ITGAM: variants seen among roughly 807,000 people sequenced by gnomAD.
ITGAM encodes integrin alpha-M.
ITGAM carries 79 observed loss-of-function variants against 137.5 expected under a neutral mutation model. The observed-to-expected ratio is 0.57, with a 90% confidence interval of 0.48 to 0.69. The LOEUF (loss-of-function observed/expected upper bound fraction) is 0.69. Ranked by LOEUF, ITGAM falls within the 30% of genes least tolerant of loss-of-function variation. ITGAM has a pLI of 0.00. For missense variants in ITGAM, 1,343 were observed against 1,483.5 expected, an observed-to-expected ratio of 0.91 and a Z score of 1.56; for synonymous variants, 583 against 592.3, an observed-to-expected ratio of 0.98 and a Z score of 0.23.
rs61202942 is a variant in ITGAM at position 31,298,204 on chromosome 16, C to CAAAAA, written c.1707+270_1707+274dup. On this transcript the variant is annotated intron_variant, in intron 14 of 29. Coordinates refer to ENST00000544665, the MANE Select transcript of ITGAM (RefSeq NM_000632.4). ...GCAACATGGTGAGAACCCATCTCTC[C>CAAAAA]AAAAAAAAAAAAAAAAAAAAAAAAT... 1.3e-4 allele frequency among the ~76,000 whole-genome samples: 10 copies of CAAAAA among 77,812 alleles called. 1 individual carries two copies. The highest frequency in any genetic ancestry group is 4.8e-4 in the South Asian group (1 of 2,086). 51.0% of individuals were successfully genotyped at this position (77,812 alleles called of 152,430 possible). A position where few individuals can be genotyped will look rare whatever the true frequency, so the allele number is the denominator to read the frequency against.
At chr16:31,288,172 C>A (rs1427155260) in intron 12 of ITGAM, among the ~76,000 whole-genome samples, 1 of 151,760 alleles carries the variant, frequency 6.6e-6, no homozygotes, top group Non-Finnish European at 1.5e-5. Context: ...AATGGAGGGT[C>A]AGAATATGCG....
At position 31,328,208 on chromosome 16, in the gene ITGAM, G is replaced by A. The variant is rs535070880; in HGVS notation, c.2770G>A (p.Ala924Thr). ...CCAACTGGAGCTGCCGGTGAAATAT[G>A]CTGTCTACATGGTGGTCACCAGGTG... ...EFQLELPVKY[A>T]VYMVVTSHGV... The change falls in exon 23 of 30, where the codon GCT becomes ACT. Residue 924 changes from alanine to threonine, a missense_variant. By Grantham distance (58) the Ala-to-Thr change is moderately conservative (BLOSUM62 0). Transcript: ENST00000544665. 2.5e-6 allele frequency: 4 copies of A among 1,613,960 alleles called. No homozygotes were observed. The highest frequency in any genetic ancestry group is 1.1e-5 in the South Asian group (1 of 91,074).
chr16:31,329,175 C>T, intron 23 of ITGAM, 53 bp from the exon 24 acceptor site: 1 of 1,257,264 alleles, frequency 8.0e-7, no homozygotes, highest in South Asian at 1.2e-5. Context: ...GAGACACCCT[C>T]CCAGGGCACC....
At chr16:31,321,960 G>C (rs770223549) in intron 16 of ITGAM, among the ~76,000 whole-genome samples, 19 of 152,220 alleles carry the variant, frequency 1.2e-4, no homozygotes, top group Non-Finnish European at 2.5e-4. Context: ...AAGCTAAACA[G>C]AGATTTACAA....
intron 12 of ITGAM, among the ~76,000 whole-genome samples, chr16:31,288,950 T>G (rs1429242466): frequency 2.0e-5 from 3 of 152,022 alleles, no homozygotes; most frequent in African/African-American, 4.8e-5. Flanking sequence ...TGAAGGATAT[T>G]AACAGACATT....
chr16:31,276,683 G>A lies in ITGAM; in HGVS notation c.1022G>A (p.Gly341Glu), dbSNP rs1324101998. 1 of 1,611,140 alleles carries A rather than the reference G, an allele frequency of 6.2e-7. No homozygotes were observed. ...CTCCTCTTTACAGGTACTCAGACAGGAAGTAGCAGCTCCTTTGAGCATGAG... is the reference window on the plus strand; with the variant it reads ...CTCCTCTTTACAGGTACTCAGACAGAAAGTAGCAGCTCCTTTGAGCATGAG... ...KIFAIEGTQT[G>E]SSSSFEHEMS... Residue 341 changes from glycine to glutamate, a missense_variant, in exon 10 of 30, where the codon GGA (glycine) becomes GAA (glutamate). Coordinates refer to ENST00000544665, the MANE Select transcript of ITGAM (RefSeq NM_000632.4).
chr16:31,272,463 ATTTTTTTTTTTTTTTTTTTTT>A (rs1157912736), intron 7 of ITGAM, among the ~76,000 whole-genome samples: 2 of 10,888 alleles, frequency 1.8e-4, no homozygotes, highest in African/African-American at 8.3e-4. Flanking sequence ...ATATATATAT[ATTTTTTTTTTTTTTTTTTTTT>A]TTTTTTTTTT....
Position 31,328,197 on chromosome 16 carries a change from C to G in ITGAM, c.2759C>G (p.Pro920Arg), listed in dbSNP as rs553266817. Residue 920 changes from proline to arginine, a missense_variant, in exon 23 of 30, where the codon CCG becomes CGG. Transcript: ENST00000544665. ...AAAACCGAATTCCAACTGGAGCTGC[C>G]GGTGAAATATGCTGTCTACATGGTG... ...TNKTEFQLEL[P>R]VKYAVYMVVT... 3.1e-6 allele frequency: 5 copies of G among 1,613,786 alleles called. No homozygotes were observed. The highest frequency in any genetic ancestry group is 2.2e-5 in the East Asian group (1 of 44,902).
At chr16:31,321,648 C>T in intron 16 of ITGAM, 21 bp downstream of exon 16, 1 of 1,610,750 alleles carries the variant, frequency 6.2e-7, no homozygotes, top group East Asian at 2.2e-5. Flanking sequence ...GTGGATGAGT[C>T]TCAAGAGGTT....
intron 23 of ITGAM, 57 bp from the exon 24 acceptor site, chr16:31,329,171 C>T (rs1374689013): frequency 8.6e-6 from 10 of 1,163,490 alleles, no homozygotes; most frequent in Non-Finnish European, 1.3e-5. Context: ...GCCTGAGACA[C>T]CCTCCCAGGG....
intron 29 of ITGAM, 106 bp from the exon 30 acceptor site, chr16:31,331,530 C>CCG: frequency 3.0e-6 from 2 of 661,444 alleles, no homozygotes; most frequent in Non-Finnish European, 5.4e-6. Context: ...CCCCGCCCTC[C>CCG]TGGGTCCCTT....
chr16:31,285,903 C>A (rs1323102943), intron 12 of ITGAM, among the ~76,000 whole-genome samples: 1 of 151,690 alleles, frequency 6.6e-6, no homozygotes, highest in Non-Finnish European at 1.5e-5. Flanking sequence ...AACTCCTGAG[C>A]TCAAGCAATC....
chr16:31,261,163 GGGAAAGGGAAT>G (rs2079694304), intron 1 of ITGAM, among the ~76,000 whole-genome samples: 2 of 151,492 alleles, frequency 1.3e-5, no homozygotes, highest in South Asian at 4.2e-4. Flanking sequence ...CCGAATGGAT[GGGAAAGGGAAT>G]GGAGCAGGAA....
chr16:31,329,883 GC>G lies in ITGAM; in HGVS notation c.2959del (p.Gln987ArgfsTer34). 6.4e-7 allele frequency: 1 copy of G among 1,562,328 alleles called. No homozygotes were observed. Among genetic ancestry groups the G allele is most frequent in the Non-Finnish European group, 8.7e-7 (1 of 1,153,278 alleles). On this transcript the variant is annotated frameshift_variant, in exon 25 of 30. Transcript: ENST00000544665. LOFTEE classifies it high-confidence loss of function. ...CTGAACCAGACTGTCATATGGGACC[GC>G]CCCCAGGTCACCTTCTCCGAGGTGA... ...VRLNQTVIWD[R>X]PQVTFSENLS...
intron 2 of ITGAM, among the ~76,000 whole-genome samples, chr16:31,265,059 G>A (rs1255132645): frequency 6.6e-6 from 1 of 151,918 alleles, no homozygotes; most frequent in Non-Finnish European, 1.5e-5. Flanking sequence ...AGTAGAGGCG[G>A]GGTTTCACCA....
chr16:31,270,086 T>C (rs2079811874), intron 5 of ITGAM, among the ~76,000 whole-genome samples: 1 of 102,292 alleles, frequency 9.8e-6, no homozygotes, highest in African/African-American at 5.6e-5. Context: ...AATCTACTCC[T>C]TTTGTATATC....
At chr16:31,299,796 T>TCCC (rs2080178093) in intron 14 of ITGAM, among the ~76,000 whole-genome samples, 1 of 117,648 alleles carries the variant, frequency 8.5e-6, no homozygotes, top group Non-Finnish European at 1.7e-5. Context: ...CTCCCCCTCC[T>TCCC]CCTCCTCTTC....
At chr16:31,305,901 C>T (rs1255332310) in intron 14 of ITGAM, among the ~76,000 whole-genome samples, 1 of 152,040 alleles carries the variant, frequency 6.6e-6, no homozygotes, top group Admixed American at 6.6e-5. Context: ...CTATATTCAT[C>T]AGGGATATTG....
At chr16:31,283,338 T>C (rs1197772173) in intron 12 of ITGAM, among the ~76,000 whole-genome samples, 1 of 152,228 alleles carries the variant, frequency 6.6e-6, no homozygotes, top group Admixed American at 6.5e-5. Context: ...CCATTCGCCC[T>C]GTCACTTTCA....
Sources: allele counts gnomAD v4.1 joint callset (sites outside exome capture counted in the v4.1 genomes callset), GRCh38; gene constraint gnomAD v4.1.1; transcripts MANE v1.5; gene names NCBI Gene and HGNC (gene_info 2026-07-23, HGNC 2026-07-21).